The following WDR72 variants were observed in gnomAD, a reference collection of about 807,000 sequenced individuals.
WDR72 encodes the protein WD repeat-containing protein 72.
In WDR72, 120 loss-of-function variants were observed where a neutral mutation model predicts 124.2. The ratio of observed to expected loss-of-function variants is 0.97; its 90% CI spans 0.83 to 1.12. The LOEUF is 1.12. Ranked by LOEUF, WDR72 falls within the 50% of genes most tolerant of loss-of-function variation. WDR72 has a pLI of 0.00. For synonymous variants in WDR72, 452 were observed against 441.7 expected, an observed-to-expected ratio of 1.02 and a Z score of -0.29; for missense variants, 1,387 against 1,278.8, an observed-to-expected ratio of 1.08 and a Z score of -1.29.
At chr15:53,685,375 T>C (rs2140490190) in intron 13 of WDR72, among the ~76,000 whole-genome samples, 2 of 129,280 alleles carry the variant, frequency 1.5e-5, no homozygotes, top group African/African-American at 6.0e-5. Context: ...AAGGAGCTGA[T>C]GGAGCTGAAA....
Position 53,615,574 on chromosome 15 carries a change from G to T in WDR72, c.2632C>A (p.Leu878Ile), listed in dbSNP as rs1479038660. Residue 878 changes from leucine to isoleucine, a missense_variant, in exon 15 of 20, where the codon CTT becomes ATT. Leu to Ile is a conservative substitution (Grantham distance 5). Transcript: ENST00000360509. ...LDLSDKYTATLPNQVGIPRGL... is the reference protein window; with the variant it reads ...LDLSDKYTATIPNQVGIPRGL... Reference sequence around the variant, plus strand: ...CTTGGAATTCCAACCTGATTTGGAAGAGTGGCTGTGTATTTATCTGACAAG... The same window carrying T: ...CTTGGAATTCCAACCTGATTTGGAATAGTGGCTGTGTATTTATCTGACAAG... 1 of 1,612,904 alleles carries T rather than the reference G, an allele frequency of 6.2e-7. No individual in the cohort carries two copies. The highest frequency in any genetic ancestry group is 8.5e-7 in the Non-Finnish European group (1 of 1,179,488).
chr15:53,561,841 A>G (rs1028904375), intron 18 of WDR72, among the ~76,000 whole-genome samples: 2 of 151,826 alleles, frequency 1.3e-5, no homozygotes, highest in Non-Finnish European at 2.9e-5. Flanking sequence ...GATATTTTTT[A>G]AAAGCTCCCC....
Position 53,712,840 on chromosome 15 carries a change from A to T in WDR72, c.643T>A (p.Cys215Ser), listed in dbSNP as rs1426990703. 6 of 1,613,814 alleles carry T rather than the reference A, an allele frequency of 3.7e-6. No individual in the cohort carries two copies. Among genetic ancestry groups the T allele is most frequent in the Non-Finnish European group, 5.1e-6 (6 of 1,179,914 alleles). ...TATGTGCAAAATCGAATTGTCTGGC[A>T]GTTCAAGGACTCAAGAAACTTGGAT... Reference protein sequence around the residue: ...KESKFLESLNCQTIRFCTYTE... With the variant: ...KESKFLESLNSQTIRFCTYTE... Residue 215 changes from cysteine (C) to serine (S), a missense_variant, in exon 7 of 20, where the codon TGC becomes AGC. By Grantham distance (112) the Cys-to-Ser change is moderately radical. Transcript: ENST00000360509.
chr15:53,723,540 T>C (rs139322150), intron 2 of WDR72, among the ~76,000 whole-genome samples: 5 of 152,244 alleles, frequency 3.3e-5, no homozygotes, highest in African/African-American at 1.2e-4. Context: ...ATGGAAACAA[T>C]CTAAGTGTCC....
intron 14 of WDR72, among the ~76,000 whole-genome samples, chr15:53,654,949 G>C (rs1401364962): frequency 2.0e-5 from 3 of 151,978 alleles, no homozygotes; most frequent in Non-Finnish European, 2.9e-5. Context: ...AAGAGATCTT[G>C]GCCAGGTGCA....
At chr15:53,651,854 T>G (rs149280866) in intron 14 of WDR72, 1 of 152,234 alleles carries the variant, frequency 6.6e-6, no homozygotes. Context: ...TGTTTCACCA[T>G]GTTGGTCAGG....
intron 14 of WDR72, among the ~76,000 whole-genome samples, chr15:53,640,028 T>C (rs1196539718): frequency 2.0e-5 from 3 of 152,206 alleles, no homozygotes; most frequent in East Asian, 1.9e-4. Flanking sequence ...TGAAATATAA[T>C]GGTTGAAGAT....
chr15:53,616,711 G>C lies in WDR72; in HGVS notation c.1963-468C>G, dbSNP rs532922207. 1.1e-4 allele frequency among the ~76,000 whole-genome samples: 17 copies of C among 152,000 alleles called. No individual in the cohort carries two copies. In the East Asian group the frequency reaches 3.3e-3, roughly 29 times the overall value. ...TTTAAATGTTAACCAATGTCATATT[G>C]CTCTAAGAAAAACTCAAAAAACTCA... is the stretch of plus-strand genomic sequence containing the variant. On this transcript the variant is annotated intron_variant, in intron 14 of 19. Transcript: ENST00000360509.
intron 13 of WDR72, among the ~76,000 whole-genome samples, chr15:53,677,046 A>G (rs2016197759): frequency 6.7e-6 from 1 of 150,178 alleles, no homozygotes; most frequent in Non-Finnish European, 1.5e-5. Context: ...TCAGCCTCCC[A>G]AGCAGCTGGG....
At chr15:53,651,400 T>G (rs1030332553) in intron 14 of WDR72, among the ~76,000 whole-genome samples, 10 of 152,322 alleles carry the variant, frequency 6.6e-5, no homozygotes, top group Middle Eastern at 3.4e-3. Context: ...TTACGATGTA[T>G]CCACTCTCAC....
intron 18 of WDR72, among the ~76,000 whole-genome samples, chr15:53,544,834 A>C (rs1390016598): frequency 6.6e-6 from 1 of 152,018 alleles, no homozygotes; most frequent in Admixed American, 6.6e-5. Flanking sequence ...CAAAATCAAC[A>C]TACAAAAATC....
intron 2 of WDR72, among the ~76,000 whole-genome samples, chr15:53,729,539 T>C (rs2018139287): frequency 6.6e-6 from 1 of 151,866 alleles, no homozygotes; most frequent in Admixed American, 6.6e-5. Flanking sequence ...GATTCCATGC[T>C]GGACCCATCC....
intron 17 of WDR72, among the ~76,000 whole-genome samples, chr15:53,604,015 A>G (rs2013163204): frequency 6.6e-6 from 1 of 152,070 alleles, no homozygotes; most frequent in South Asian, 2.1e-4. Context: ...AAGAGCCTGA[A>G]TGGCCAGGGC....
upstream of WDR72, among the ~76,000 whole-genome samples, chr15:53,759,825 C>T (rs1257238153): frequency 6.6e-6 from 1 of 151,732 alleles, no homozygotes. Context: ...TTCCTGCAAC[C>T]TGGACCCGCT....
rs114711511 is a variant in WDR72, at chr15:53,594,390, A to T, written c.3148+2689T>A. Among the ~76,000 whole-genome samples, 1,453 of 152,122 alleles carry T rather than the reference A, an allele frequency of 9.6e-3. 33 individuals carry two copies. Among genetic ancestry groups the T allele is most frequent in the African/African-American group, 0.034 (1,402 of 41,520 alleles). ...GTTGATGAAATTAAACAACATATACAATTTGCCATAAGAATATTTTGCAAA... is the reference window on the plus strand; with the variant it reads ...GTTGATGAAATTAAACAACATATACTATTTGCCATAAGAATATTTTGCAAA... On this transcript the variant is annotated intron_variant, in intron 18 of 19. Transcript: ENST00000360509.
chr15:53,690,138 G>T (rs979075324), intron 13 of WDR72, among the ~76,000 whole-genome samples: 5 of 151,362 alleles, frequency 3.3e-5, no homozygotes, highest in African/African-American at 1.2e-4. Flanking sequence ...AGTGGGTGCA[G>T]CGCACCAGCA....
At chr15:53,745,034 T>TAAA (rs35297294) in intron 1 of WDR72, among the ~76,000 whole-genome samples, 5,698 of 144,604 alleles carry the variant, frequency 0.039, 179 homozygotes, top group African/African-American at 0.083. Flanking sequence ...TACTTTATTG[T>TAAA]AAAAAAAAAA....
At chr15:53,568,996 T>G (rs949167702) in intron 18 of WDR72, among the ~76,000 whole-genome samples, 1 of 152,070 alleles carries the variant, frequency 6.6e-6, no homozygotes, top group Non-Finnish European at 1.5e-5. Flanking sequence ...TACCAGTTTT[T>G]CTTAGAGTAA....
intron 18 of WDR72, among the ~76,000 whole-genome samples, chr15:53,524,651 T>C (rs1035288581): frequency 3.3e-5 from 5 of 152,120 alleles, no homozygotes; most frequent in African/African-American, 1.2e-4. Flanking sequence ...ATATTCCTTC[T>C]AGATTGTTTC....
Sources: gnomAD v4.1 joint callset for allele counts (sites outside exome capture counted in the v4.1 genomes callset) on GRCh38, gnomAD v4.1.1 for gene constraint, MANE v1.5 for transcripts, NCBI Gene and HGNC (gene_info 2026-07-23, HGNC 2026-07-21) for gene names.